The following LAMA1 variants were observed in gnomAD, a reference collection of about 807,000 sequenced individuals.
LAMA1 encodes the protein laminin subunit alpha 1.
LAMA1 carries 219 observed loss-of-function variants against 348.7 expected under a neutral mutation model. The ratio of observed to expected loss-of-function variants is 0.63; its 90% CI spans 0.56 to 0.70. The LOEUF (loss-of-function observed/expected upper bound fraction) is 0.70. LAMA1 is among the 30% of genes least tolerant of loss of function. LAMA1 has a pLI of 0.00. For missense variants in LAMA1, 3,744 were observed against 3,888.0 expected (o/e 0.96, Z 0.99); for synonymous variants, 1,487 against 1,491.0 (o/e 1.00, Z 0.06).
intron 1 of LAMA1, among the ~76,000 whole-genome samples, chr18:7,105,881 G>C (rs1213881675): frequency 6.6e-6 from 1 of 152,194 alleles, no homozygotes; most frequent in Non-Finnish European, 1.5e-5. Flanking sequence ...AGCAAAGCAA[G>C]ACTAAACTGT....
chr18:6,943,108 C>T (rs2057506680), intron 62 of LAMA1, 72 bp downstream of exon 62: 2 of 1,301,042 alleles, frequency 1.5e-6, no homozygotes, highest in African/African-American at 1.4e-5. Context: ...CCCTATTCTA[C>T]ATCCACCTGA....
intron 17 of LAMA1, among the ~76,000 whole-genome samples, chr18:7,025,655 CCT>C (rs1378559875): frequency 6.6e-6 from 1 of 152,164 alleles, no homozygotes; most frequent in Non-Finnish European, 1.5e-5. Context: ...ATGTTTTATT[CCT>C]CTCTGTATCC....
chr18:7,024,260 T>C (rs2057932366), intron 18 of LAMA1, 120 bp downstream of exon 18: 2 of 718,044 alleles, frequency 2.8e-6, no homozygotes, highest in East Asian at 2.7e-5. Context: ...TCAATGATTC[T>C]ATGAAATAAC....
At position 6,942,184 on chromosome 18, in the gene LAMA1, C is replaced by T. The variant is rs141619176; in HGVS notation, c.9123G>A (p.Arg3041=). 255 of 1,614,042 alleles carry T rather than the reference C, an allele frequency of 1.6e-4. No homozygotes were observed. Among genetic ancestry groups the T allele is most frequent in the Non-Finnish European group, 1.9e-4 (230 of 1,180,056 alleles). Residue 3041 remains arginine, a synonymous_variant, in exon 63 of 63, where the codon AGG becomes AGA. Transcript: ENST00000389658. The stretch of plus-strand genomic sequence containing the variant: ...GCGGGCTCTTAATCAGAGCTAGCTT[C>T]CTCAAACACCCGCGGAACGAGGTCT... ...RSQTSFRGCL[R]KLALIKSPQV...
At chr18:6,996,080 A>C (rs4127406) in intron 33 of LAMA1, among the ~76,000 whole-genome samples, 4,592 of 152,288 alleles carry the variant, frequency 0.03, 223 homozygotes, top group African/African-American at 0.096. Context: ...CAAGACTGGC[A>C]GATATTATAC....
intron 22 of LAMA1, among the ~76,000 whole-genome samples, chr18:7,014,571 TTGAGGATACAGTGA>T (rs1169702621): frequency 1.0e-4 from 4 of 39,620 alleles, no homozygotes; most frequent in Non-Finnish European, 3.0e-4. Flanking sequence ...ACAGTGAGCT[TTGAGGATACAGTGA>T]GCTTTGATGG....
chr18:7,085,413 C>CT (rs36122063), intron 1 of LAMA1, among the ~76,000 whole-genome samples: 3,450 of 85,222 alleles, frequency 0.04, 227 homozygotes, highest in African/African-American at 0.14. Flanking sequence ...TCTTCTTCTT[C>CT]TTTTTTTTTT....
rs1355876439 is a variant in LAMA1 at position 7,105,449 on chromosome 18, T to A, written c.61+12211A>T. On this transcript the variant is annotated intron_variant, in intron 1 of 62. Transcript: ENST00000389658. ...GTGAGACTTCATCTCAAAAAATAAA[T>A]AAATAAATAAATAAATAAATAAATA... is the stretch of plus-strand genomic sequence containing the variant. Among the ~76,000 whole-genome samples the A allele has an allele frequency of 8.8e-4, 119 of 134,494 alleles. 1 individual carries two copies. Among genetic ancestry groups the A allele is most frequent in the African/African-American group, 3.3e-3 (110 of 33,248 alleles). 88.2% of individuals were successfully genotyped at this position (134,494 alleles called of 152,430 possible). A position where few individuals can be genotyped will look rare whatever the true frequency, so the allele number is the denominator to read the frequency against.
chr18:7,065,315 G>A (rs1252986211), intron 3 of LAMA1, among the ~76,000 whole-genome samples: 2 of 150,260 alleles, frequency 1.3e-5, no homozygotes, highest in Non-Finnish European at 1.5e-5. Context: ...GGAATTCTCT[G>A]TACTTTACAT....
At chr18:7,023,450 T>C in intron 18 of LAMA1, 75 bp from the exon 19 acceptor site, 2 of 1,196,802 alleles carry the variant, frequency 1.7e-6, no homozygotes, top group Non-Finnish European at 2.5e-6. Flanking sequence ...AGGGACTCCC[T>C]GAATGGCTAA....
chr18:7,074,129 G>A (rs999768669), intron 3 of LAMA1, among the ~76,000 whole-genome samples: 11 of 152,022 alleles, frequency 7.2e-5, no homozygotes, highest in Admixed American at 2.6e-4. Context: ...CACCACGCCC[G>A]GCCAGAACAA....
chr18:6,977,225 C>A (rs1176149633), intron 44 of LAMA1, among the ~76,000 whole-genome samples: 1 of 152,210 alleles, frequency 6.6e-6, no homozygotes, highest in Non-Finnish European at 1.5e-5. Flanking sequence ...GTGCCTCAGG[C>A]ATTTAGTGAC....
chr18:7,103,660 CA>C (rs199528703), intron 1 of LAMA1, among the ~76,000 whole-genome samples: 3 of 143,426 alleles, frequency 2.1e-5, no homozygotes. Context: ...CTAAAAATAC[CA>C]AAAAAAAACT....
chr18:6,948,492 T>G lies in LAMA1; in HGVS notation c.8621A>C (p.Asp2874Ala). ...CACCGTGAAGGCAGACACCGGGCTG[T>G]CCTTGTCCAGCTGTTTGCTGTTAAC... ...VTVNSKQLDK[D>A]SPVSAFTVNR... The change falls in exon 60 of 63, where the codon GAC (aspartate) becomes GCC (alanine). Residue 2874 changes from aspartate to alanine, a missense_variant. This residue lies in a region of LAMA1 where 232 missense variants were observed against 264.4 expected (regional missense o/e 0.88). Coordinates refer to ENST00000389658, the MANE Select transcript of LAMA1 (RefSeq NM_005559.4). 6.2e-7 allele frequency: 1 copy of G among 1,614,154 alleles called. No homozygotes were observed. Among genetic ancestry groups the G allele is most frequent in the Non-Finnish European group, 8.5e-7 (1 of 1,180,022 alleles).
intron 13 of LAMA1, among the ~76,000 whole-genome samples, 158 bp downstream of exon 13, chr18:7,035,829 C>T (rs571663993): frequency 6.6e-6 from 1 of 152,184 alleles, no homozygotes; most frequent in East Asian, 1.9e-4. Flanking sequence ...TTCTCACACT[C>T]ACCATCTCAG....
chr18:7,034,645 G>A lies in LAMA1; in HGVS notation c.1885C>T (p.Gln629Ter), dbSNP rs761332121. ...ACGTTTAGGTACTCTTCATAAGGCT[G>A]CAATGACAGACCCTCAGCCTGTGTG... ...LSTQAEGLSL[Q>*]PYEEYLNVVR... The change falls in exon 14 of 63, where the codon CAG becomes TAG. Residue 629 changes from glutamine (Q) to a stop codon, truncating the protein, a stop_gained. Transcript: ENST00000389658. LOFTEE classifies it high-confidence loss of function. 6.2e-7 allele frequency: 1 copy of A among 1,614,180 alleles called. No homozygotes were observed.
intron 29 of LAMA1, among the ~76,000 whole-genome samples, chr18:7,005,119 C>T (rs1263941458): frequency 6.6e-6 from 1 of 152,220 alleles, no homozygotes; most frequent in African/African-American, 2.4e-5. Flanking sequence ...ACGACCACTC[C>T]ATCTGGCCTC....
At chr18:7,000,080 T>C (rs2057801000) in intron 30 of LAMA1, 83 bp from the exon 31 acceptor site, 1 of 961,046 alleles carries the variant, frequency 1.0e-6, no homozygotes, top group Non-Finnish European at 1.6e-6. Context: ...ACTCTTAGGA[T>C]ACACCATACT....
Position 7,008,474 on chromosome 18 carries a change from T to TAG in LAMA1, c.4122+12_4122+13dup. The TAG allele has an allele frequency of 6.2e-7, 1 of 1,613,876 alleles. No individual in the cohort carries two copies. Among genetic ancestry groups the TAG allele is most frequent in the Non-Finnish European group, 8.5e-7 (1 of 1,179,846 alleles). ...TCAAACCCAGGAAATAGATTTCGAC[T>TAG]AGAGTCTCCGTACCTGACATGAGAA... On this transcript the variant is annotated intron_variant, in intron 28 of 62. Coordinates refer to ENST00000389658, the MANE Select transcript of LAMA1 (RefSeq NM_005559.4).
Sources: allele counts gnomAD v4.1 joint callset (sites outside exome capture counted in the v4.1 genomes callset), GRCh38; gene constraint gnomAD v4.1.1; regional missense constraint gnomAD v4.1.1; transcripts MANE v1.5; gene names NCBI Gene and HGNC (gene_info 2026-07-23, HGNC 2026-07-21).